KCNH5: variants seen among roughly 807,000 people sequenced by gnomAD.
KCNH5 encodes voltage-gated delayed rectifier potassium channel KCNH5.
KCNH5 carries 46 observed loss-of-function variants against 96.1 expected under a neutral mutation model. The observed-to-expected ratio is 0.48, with a 90% CI of 0.38 to 0.61. KCNH5 has a LOEUF of 0.61. Among genes scored for constraint, KCNH5 ranks in the 20% least tolerant of loss-of-function variants. KCNH5 has a pLI of 0.00. For synonymous variants in KCNH5, 439 were observed against 449.8 expected (o/e 0.98, Z 0.30); for missense variants, 907 against 1,225.8 (o/e 0.74, Z 3.88).
At chr14:62,777,759 A>G (rs1371548711) in intron 10 of KCNH5, among the ~76,000 whole-genome samples, 1 of 152,132 alleles carries the variant, frequency 6.6e-6, no homozygotes, top group African/African-American at 2.4e-5. Context: ...AAAACCAACA[A>G]CAGTTTTCTG....
chr14:62,977,316 C>G (rs958162121), intron 6 of KCNH5, among the ~76,000 whole-genome samples: 2 of 151,944 alleles, frequency 1.3e-5, no homozygotes, highest in African/African-American at 2.4e-5. Context: ...GCAGTGATCA[C>G]ACCACTGCAC....
intron 9 of KCNH5, among the ~76,000 whole-genome samples, chr14:62,793,842 TAAGTGTATACAGATCAGGA>T (rs1233912878): frequency 2.6e-5 from 4 of 151,800 alleles, no homozygotes; most frequent in Non-Finnish European, 5.9e-5. Context: ...GAAAATGAAG[TAAGTGTATACAGATCAGGA>T]TAAGCAGAGC....
At chr14:62,772,901 T>C (rs139771831) in intron 10 of KCNH5, among the ~76,000 whole-genome samples, 270 of 152,356 alleles carry the variant, frequency 1.8e-3, no homozygotes, top group Non-Finnish European at 2.7e-3. Flanking sequence ...TATTGGTTCA[T>C]GCCCAGATTG....
intron 1 of KCNH5, among the ~76,000 whole-genome samples, chr14:63,022,844 C>A (rs1891453915): frequency 6.6e-6 from 1 of 152,104 alleles, no homozygotes; most frequent in Non-Finnish European, 1.5e-5. Context: ...AATTTTTTGA[C>A]ATGATGTACC....
intron 5 of KCNH5, among the ~76,000 whole-genome samples, chr14:62,985,827 G>A (rs1327722148): frequency 6.6e-6 from 1 of 152,076 alleles, no homozygotes; most frequent in Non-Finnish European, 1.5e-5. Context: ...ATCTCCACTA[G>A]GGCTTCCTAT....
intron 10 of KCNH5, among the ~76,000 whole-genome samples, chr14:62,761,923 A>C (rs1885760306): frequency 6.6e-6 from 1 of 152,084 alleles, no homozygotes; most frequent in Non-Finnish European, 1.5e-5. Flanking sequence ...GCAAGCTGGA[A>C]ATCTTGCATG....
chr14:62,849,010 A>G (rs2140044868), intron 8 of KCNH5, among the ~76,000 whole-genome samples: 1 of 152,296 alleles, frequency 6.6e-6, no homozygotes, highest in South Asian at 2.1e-4. Context: ...TATTTTAAGG[A>G]GGATCTTGAG....
At chr14:63,030,133 C>G (rs1891598502) in intron 1 of KCNH5, among the ~76,000 whole-genome samples, 1 of 152,156 alleles carries the variant, frequency 6.6e-6, no homozygotes, top group South Asian at 2.1e-4. Context: ...TTTGTCCTCA[C>G]AGCTCTTAAA....
At chr14:62,777,861 G>T (rs79415025) in intron 10 of KCNH5, among the ~76,000 whole-genome samples, 11,965 of 50,992 alleles carry the variant, frequency 0.23, 685 homozygotes, top group East Asian at 0.5. Flanking sequence ...ATGTGTATTT[G>T]TGTGTGTGTG....
chr14:62,857,055 T>C (rs761562041), intron 7 of KCNH5, among the ~76,000 whole-genome samples: 6 of 152,106 alleles, frequency 3.9e-5, no homozygotes, highest in Non-Finnish European at 7.4e-5. Flanking sequence ...AGTATAATAT[T>C]GGATAGATGT....
chr14:63,034,277 CA>C (rs1891682700), intron 1 of KCNH5, among the ~76,000 whole-genome samples: 1 of 152,092 alleles, frequency 6.6e-6, no homozygotes, highest in Non-Finnish European at 1.5e-5. Context: ...ATTTAAGTTT[CA>C]TAGAACAGTA....
intron 9 of KCNH5, among the ~76,000 whole-genome samples, chr14:62,790,375 C>G (rs935724012): frequency 6.6e-6 from 1 of 151,502 alleles, no homozygotes; most frequent in Admixed American, 6.6e-5. Context: ...TGCTTTTTGT[C>G]TATTTGGGTT....
intron 10 of KCNH5, among the ~76,000 whole-genome samples, chr14:62,715,468 C>G (rs1375477093): frequency 6.6e-6 from 1 of 152,142 alleles, no homozygotes; most frequent in African/African-American, 2.4e-5. Flanking sequence ...GCCCTCCAAT[C>G]CATGACAACG....
At chr14:62,834,815 T>C (rs1003473843) in intron 8 of KCNH5, among the ~76,000 whole-genome samples, 1 of 152,054 alleles carries the variant, frequency 6.6e-6, no homozygotes, top group Non-Finnish European at 1.5e-5. Flanking sequence ...CCACAAATAA[T>C]GTTTTACTGG....
chr14:62,780,482 C>T (rs1886187630), intron 9 of KCNH5, among the ~76,000 whole-genome samples: 1 of 152,140 alleles, frequency 6.6e-6, no homozygotes, highest in Admixed American at 6.6e-5. Context: ...TTCTCGGAGT[C>T]CAGCCCAAGA....
At chr14:63,041,239 A>G (rs1891818773) in intron 1 of KCNH5, among the ~76,000 whole-genome samples, 1 of 152,162 alleles carries the variant, frequency 6.6e-6, no homozygotes, top group African/African-American at 2.4e-5. Context: ...ATTTTAACCT[A>G]AAAGTCCTAA....
chr14:62,829,458 C>A (rs1409687252), intron 8 of KCNH5, among the ~76,000 whole-genome samples: 1 of 152,208 alleles, frequency 6.6e-6, no homozygotes, highest in African/African-American at 2.4e-5. Flanking sequence ...GGGGAAGGCT[C>A]CCAAAGTTTG....
At chr14:62,885,827 G>T (rs1403066945) in intron 7 of KCNH5, among the ~76,000 whole-genome samples, 3 of 152,078 alleles carry the variant, frequency 2.0e-5, no homozygotes, top group Admixed American at 2.0e-4. Context: ...GTAGTAGAAG[G>T]GAGAAGCACA....
chr14:62,961,468 G>A (rs1890203578), intron 6 of KCNH5, among the ~76,000 whole-genome samples: 1 of 152,154 alleles, frequency 6.6e-6, no homozygotes, highest in Non-Finnish European at 1.5e-5. Context: ...AACCCTGAAA[G>A]TTAAGACTCT....
Sources: allele counts gnomAD v4.1 joint callset (sites outside exome capture counted in the v4.1 genomes callset), GRCh38; gene constraint gnomAD v4.1.1; transcripts MANE v1.5; gene names NCBI Gene and HGNC (gene_info 2026-07-23, HGNC 2026-07-21).